Variants in GGT5 observed in about 807,000 individuals in gnomAD.
GGT5 encodes gamma-glutamyltransferase 5.
In GGT5, 50 loss-of-function variants were observed where a neutral mutation model predicts 58.1. The ratio of observed to expected loss-of-function variants is 0.86; its 90% confidence interval spans 0.69 to 1.09. The LOEUF (loss-of-function observed/expected upper bound fraction) is 1.09, where lower values mean the gene tolerates loss of function less well. GGT5 is among the 50% of genes least tolerant of loss of function. GGT5 has a pLI of 0.00. For synonymous variants in GGT5, 370 were observed against 346.1 expected, an observed-to-expected ratio of 1.07 and a Z score of -0.77; for missense variants, 800 against 789.4, an observed-to-expected ratio of 1.01 and a Z score of -0.16.
rs139683761 is a variant in GGT5 at position 24,244,711 on chromosome 22, G to C, written c.15C>G (p.Tyr5Ter). ...GCAGGACTAGGCTGACCGTGGCCCC[G>C]TAGCCCCGGGCCATGGCTCTGCAGC... is the stretch of plus-strand genomic sequence containing the variant. MARG[Y>*]GATVSLVLLG... is the part of the protein sequence containing the mutation. The change falls in exon 1 of 12, where the codon TAC becomes TAG. Residue 5 changes from tyrosine (Y) to a stop codon, truncating the protein, a stop_gained. Coordinates refer to ENST00000327365, the MANE Select transcript of GGT5 (RefSeq NM_004121.5). LOFTEE classifies it high-confidence loss of function. 6.2e-7 allele frequency: 1 copy of C among 1,610,634 alleles called. No homozygotes were observed. Among genetic ancestry groups the C allele is most frequent in the Non-Finnish European group, 8.5e-7 (1 of 1,179,078 alleles).
chr22:24,239,200 G>A (rs1250178144), intron 1 of GGT5, among the ~76,000 whole-genome samples: 4 of 150,716 alleles, frequency 2.7e-5, no homozygotes, highest in East Asian at 2.0e-4. Flanking sequence ...TTAGCCAGGC[G>A]TGGTGGCGGG....
At chr22:24,231,890 G>A (rs1016999774) in intron 5 of GGT5, among the ~76,000 whole-genome samples, 161 bp downstream of exon 5, 5 of 152,126 alleles carry the variant, frequency 3.3e-5, no homozygotes, top group African/African-American at 1.2e-4. Flanking sequence ...TGGACCACAG[G>A]GGTCCTTGGG....
chr22:24,223,800 TCACC>T (rs2047670757), intron 11 of GGT5, among the ~76,000 whole-genome samples: 1 of 146,450 alleles, frequency 6.8e-6, no homozygotes, highest in African/African-American at 2.6e-5. Context: ...TTTGTTCTTG[TCACC>T]CAGGCTGGAG....
At chr22:24,244,457 CACAT>C in intron 1 of GGT5, 92 bp downstream of exon 1, 1 of 1,054,976 alleles carries the variant, frequency 9.5e-7, no homozygotes, top group Non-Finnish European at 1.4e-6. Context: ...CACACACCCA[CACAT>C]ACATTCACTC....
chr22:24,233,243 G>A (rs765070827), intron 3 of GGT5, among the ~76,000 whole-genome samples: 45 of 152,214 alleles, frequency 3.0e-4, no homozygotes, highest in Admixed American at 5.2e-4. Context: ...ACCCTGCCCC[G>A]CCAACCCATC....
chr22:24,237,480 C>T (rs980241043), intron 1 of GGT5, among the ~76,000 whole-genome samples: 2 of 152,134 alleles, frequency 1.3e-5, no homozygotes, highest in African/African-American at 4.8e-5. Context: ...TCGATCTCGG[C>T]TCACTGCAAC....
At position 24,220,016 on chromosome 22, in the gene GGT5, T is replaced by C; in HGVS notation, c.1715A>G (p.Tyr572Cys). The C allele has an allele frequency of 6.2e-7, 1 of 1,614,084 alleles. No individual in the cohort carries two copies. The highest frequency in any genetic ancestry group is 8.5e-7 in the Non-Finnish European group (1 of 1,179,964). ...QAVSQEGACV[Y>C]AVSDLRKSGE... ...ACTCTTCCTCAGGTCCGAGACGGCG[T>C]ACACACAGGCCCCCTCCTGGGACAC... The change falls in exon 12 of 12, where the codon TAC (tyrosine) becomes TGC (cysteine). Residue 572 changes from tyrosine (Y) to cysteine (C), a missense_variant. By Grantham distance (194) the Tyr-to-Cys change is radical. Transcript: ENST00000327365.
intron 8 of GGT5, among the ~76,000 whole-genome samples, 175 bp from the exon 9 acceptor site, chr22:24,225,827 C>G (rs2047742774): frequency 1.3e-5 from 2 of 152,160 alleles, no homozygotes. Context: ...CACCTGTGCC[C>G]CCACATCAGG....
chr22:24,230,225 C>T (rs574985319), intron 6 of GGT5, among the ~76,000 whole-genome samples: 4 of 151,690 alleles, frequency 2.6e-5, no homozygotes, highest in Admixed American at 1.3e-4. Context: ...AAAATTAACT[C>T]GGTGTCGTGG....
At position 24,220,105 on chromosome 22, in the gene GGT5, C is replaced by T. The variant is rs375317804; in HGVS notation, c.1626G>A (p.Arg542=). 7 of 1,614,012 alleles carry T rather than the reference C, an allele frequency of 4.3e-6. No homozygotes were observed. The African/African-American group carries it at 9.3e-5, about 22-fold the overall frequency. The change falls in exon 12 of 12, where the codon AGG becomes AGA. Residue 542 remains arginine (R), a synonymous_variant. Coordinates refer to ENST00000327365, the MANE Select transcript of GGT5 (RefSeq NM_004121.5). The part of the protein sequence containing the change: ...YEPNFSQEVQ[R]GLQDRGQNQT... The stretch of plus-strand genomic sequence containing the variant: ...GGTTCTGGCCACGGTCTTGGAGTCC[C>T]CTCTGCACCTCCTGGAGAGGAGAGA...
At chr22:24,235,350 G>A (rs1347583303) in intron 1 of GGT5, among the ~76,000 whole-genome samples, 4 of 152,152 alleles carry the variant, frequency 2.6e-5, no homozygotes, top group African/African-American at 7.2e-5. Flanking sequence ...GAGCCACTGT[G>A]CCCGGCCAGA....
At chr22:24,226,807 T>C in intron 6 of GGT5, 40 bp from the exon 7 acceptor site, 1 of 1,589,940 alleles carries the variant, frequency 6.3e-7, no homozygotes, top group East Asian at 2.2e-5. Context: ...GGGGTCACCC[T>C]ATGTAATGGG....
chr22:24,233,723 AG>A (rs1161434784), intron 2 of GGT5, 130 bp from the exon 3 acceptor site: 1 of 888,356 alleles, frequency 1.1e-6, no homozygotes, highest in Non-Finnish European at 1.8e-6. Flanking sequence ...AGTTGACACA[AG>A]GGCTTTGCAC....
intron 11 of GGT5, among the ~76,000 whole-genome samples, chr22:24,223,754 C>CTTTTTT (rs898258352): frequency 3.1e-4 from 25 of 79,470 alleles, no homozygotes; most frequent in East Asian, 7.3e-4. Flanking sequence ...TGCTATCAAT[C>CTTTTTT]TTTTTTTTTT....
intron 11 of GGT5, among the ~76,000 whole-genome samples, chr22:24,223,482 C>T (rs1043627608): frequency 4.6e-5 from 7 of 152,124 alleles, no homozygotes; most frequent in African/African-American, 1.7e-4. Flanking sequence ...TATCTAAGAT[C>T]CCTGGAACCC....
intron 11 of GGT5, among the ~76,000 whole-genome samples, chr22:24,221,976 T>C (rs2047602938): frequency 6.6e-6 from 1 of 151,086 alleles, no homozygotes; most frequent in Admixed American, 6.6e-5. Flanking sequence ...GTCAGGAGTT[T>C]GAGACCAGCC....
chr22:24,221,799 C>T lies in GGT5; in HGVS notation c.1615-1683G>A, dbSNP rs570157414. ...GGGATTGTAGGCGGGAGCCACCGCGCGCAGCCAACTCCCTATGATTTCATC... is the reference window on the plus strand; with the variant it reads ...GGGATTGTAGGCGGGAGCCACCGCGTGCAGCCAACTCCCTATGATTTCATC... On this transcript the variant is annotated intron_variant, in intron 11 of 11. Coordinates refer to ENST00000327365, the MANE Select transcript of GGT5 (RefSeq NM_004121.5). Among the ~76,000 whole-genome samples, 14 of 152,128 alleles carry T rather than the reference C, an allele frequency of 9.2e-5. No homozygotes were observed. In the East Asian group the frequency reaches 9.8e-4, roughly 11 times the overall value.
At chr22:24,228,067 C>CAAAA (rs1311445310) in intron 6 of GGT5, among the ~76,000 whole-genome samples, 1 of 88,242 alleles carries the variant, frequency 1.1e-5, no homozygotes, top group Admixed American at 1.6e-4. Flanking sequence ...AAAAAAAAAA[C>CAAAA]AAAACAAAAA....
chr22:24,232,217 TGG>T lies in GGT5; in HGVS notation c.597-11_597-10del. The T allele has an allele frequency of 4.7e-6, 2 of 425,150 alleles. No individual in the cohort carries two copies. The highest frequency in any genetic ancestry group is 7.5e-6 in the Non-Finnish European group (2 of 265,192). 26.3% of individuals were successfully genotyped at this position (425,150 alleles called of 1,614,324 possible). A position where few individuals can be genotyped will look rare whatever the true frequency, so the allele number is the denominator to read the frequency against. On this transcript the variant is annotated splice_polypyrimidine_tract_variant and intron_variant, in intron 4 of 11. Coordinates refer to ENST00000327365, the MANE Select transcript of GGT5 (RefSeq NM_004121.5). The stretch of plus-strand genomic sequence containing the variant: ...CGTTGAAGAAGAGCTGGCTGGGGGG[TGG>T]GGGGAGCCTCAGGGTGGGGCCAGGT...
Sources: allele counts gnomAD v4.1 joint callset (sites outside exome capture counted in the v4.1 genomes callset), GRCh38; gene constraint gnomAD v4.1.1; transcripts MANE v1.5; gene names NCBI Gene and HGNC (gene_info 2026-07-23, HGNC 2026-07-21).